The following VPS37A variants were observed in gnomAD, a reference collection of about 807,000 sequenced individuals.
The protein encoded by VPS37A is VPS37A subunit of ESCRT-I.
VPS37A carries 30 observed loss-of-function variants against 49.8 expected under a neutral mutation model. The observed-to-expected ratio is 0.60, with a 90% CI of 0.45 to 0.82. VPS37A has a LOEUF of 0.82. VPS37A is among the 40% of genes least tolerant of loss of function. The pLI, the probability that VPS37A is intolerant of heterozygous loss-of-function variation, is 0.00. For missense variants in VPS37A, 593 were observed against 464.4 expected (o/e 1.28, Z -2.55); for synonymous variants, 195 against 160.6 (o/e 1.21, Z -1.62).
At chr8:17,303,543 C>G (rs528605957), downstream of VPS37A, among the ~76,000 whole-genome samples, 2 of 151,958 alleles carry the variant, frequency 1.3e-5, no homozygotes, top group South Asian at 4.2e-4. Flanking sequence ...ACATACGTAT[C>G]TAGCACATAC....
At chr8:17,313,460 A>T in the VPS37A span, 11 of 1,086,022 alleles carry the variant, frequency 1.0e-5, no homozygotes, top group African/African-American at 1.4e-4. Context: ...TTTACATATG[A>T]TCATGTTTTA....
At chr8:17,254,985 A>G (rs1278368914) in intron 1 of VPS37A, among the ~76,000 whole-genome samples, 1 of 152,158 alleles carries the variant, frequency 6.6e-6, no homozygotes, top group African/African-American at 2.4e-5. Flanking sequence ...ACTGAGGAAA[A>G]TGCATGACAT....
chr8:17,252,039 C>T (rs1403007524), intron 1 of VPS37A, among the ~76,000 whole-genome samples: 1 of 152,170 alleles, frequency 6.6e-6, no homozygotes, highest in African/African-American at 2.4e-5. Flanking sequence ...AACTTGGTAA[C>T]ACAAGAGATA....
intron 5 of VPS37A, among the ~76,000 whole-genome samples, chr8:17,275,852 C>G (rs959668937): frequency 6.6e-6 from 1 of 152,028 alleles, no homozygotes; most frequent in Non-Finnish European, 1.5e-5. Flanking sequence ...TTGGTTTTTC[C>G]AAAACCTTTC....
chr8:17,279,212 C>T (rs956863766), intron 6 of VPS37A, among the ~76,000 whole-genome samples: 1 of 152,106 alleles, frequency 6.6e-6, no homozygotes, highest in Admixed American at 6.6e-5. Context: ...TGACATTATA[C>T]ACTAGCAGAG....
At chr8:17,256,344 C>G (rs73551456) in intron 1 of VPS37A, among the ~76,000 whole-genome samples, 16,009 of 112,508 alleles carry the variant, frequency 0.14, 1,647 homozygotes, top group African/African-American at 0.35. Context: ...CTGTTTGTTG[C>G]CCAGACTAAT....
At chr8:17,275,921 CA>C (rs1814468770) in intron 5 of VPS37A, among the ~76,000 whole-genome samples, 1 of 152,058 alleles carries the variant, frequency 6.6e-6, no homozygotes, top group Non-Finnish European at 1.5e-5. Flanking sequence ...AACAAAATTA[CA>C]AGAGGACTTT....
intron 1 of VPS37A, chr8:17,247,605 T>C (rs887760220): frequency 1.7e-5 from 12 of 710,432 alleles, no homozygotes; most frequent in Non-Finnish European, 2.8e-5. Flanking sequence ...GATTTCCTCA[T>C]CCCTCCTGAC....
At chr8:17,277,378 A>G (rs997128586) in intron 6 of VPS37A, among the ~76,000 whole-genome samples, 1 of 151,944 alleles carries the variant, frequency 6.6e-6, no homozygotes, top group Non-Finnish European at 1.5e-5. Context: ...TTTGCTTTAA[A>G]TTTTTTTTAA....
At chr8:17,330,493 C>T in the VPS37A span, among the ~76,000 whole-genome samples, 1 of 152,272 alleles carries the variant, frequency 6.6e-6, no homozygotes, top group Non-Finnish European at 1.5e-5. Flanking sequence ...GCGGACTAAG[C>T]TGGTTTTGCT....
downstream of VPS37A, chr8:17,301,997 A>T: frequency 1.1e-6 from 1 of 917,682 alleles, no homozygotes; most frequent in African/African-American, 1.7e-5. Flanking sequence ...GGCTTCGGTT[A>T]TCTGAGTCCT....
At chr8:17,315,825 A>G in the VPS37A span, among the ~76,000 whole-genome samples, 4 of 152,274 alleles carry the variant, frequency 2.6e-5, no homozygotes, top group East Asian at 3.9e-4. Flanking sequence ...CAGCCTATAT[A>G]AAGTAGTGAG....
At chr8:17,269,164 C>G (rs1397912042) in intron 4 of VPS37A, among the ~76,000 whole-genome samples, 1 of 152,164 alleles carries the variant, frequency 6.6e-6, no homozygotes, top group Non-Finnish European at 1.5e-5. Context: ...TGTATGCGTA[C>G]TTCTATCACT....
At chr8:17,302,341 C>G (rs145343479), downstream of VPS37A, 1 of 1,551,120 alleles carries the variant, frequency 6.4e-7, no homozygotes, top group Non-Finnish European at 8.7e-7. Context: ...TTCACATCCT[C>G]AAGTCTTCTA....
the VPS37A span, among the ~76,000 whole-genome samples, chr8:17,322,121 G>C: frequency 8.0e-6 from 1 of 125,060 alleles, no homozygotes; most frequent in Admixed American, 7.7e-5. Flanking sequence ...CCCAGCACTT[G>C]TCTGAGTTCT....
chr8:17,296,848 T>TATACC lies in VPS37A; in HGVS notation c.*1865_*1869dup, dbSNP rs1467655735. 1.3e-5 allele frequency: 2 copies of TATACC among 152,232 alleles called. No homozygotes were observed. The highest frequency in any genetic ancestry group is 1.3e-4 in the Admixed American group (2 of 15,282). 9.4% of individuals were successfully genotyped at this position (152,232 alleles called of 1,614,324 possible). On this transcript the variant is annotated 3_prime_UTR_variant, in exon 12 of 12. Coordinates refer to ENST00000324849, the MANE Select transcript of VPS37A (RefSeq NM_152415.3). Reference sequence around the variant, plus strand: ...AAGTTGAACTATCCCAGTTTCATTCTATACCATTCATTGGATAACCTTGTT... The same window carrying TATACC: ...AAGTTGAACTATCCCAGTTTCATTCTATACCATACCATTCATTGGATAACCTTGTT...
chr8:17,302,109 A>G (rs534722313), downstream of VPS37A: 3 of 1,611,934 alleles, frequency 1.9e-6, no homozygotes, highest in East Asian at 6.7e-5. Flanking sequence ...TTGCTCTTCA[A>G]GAAATAAGCA....
intron 2 of VPS37A, 39 bp from the exon 3 acceptor site, chr8:17,268,219 A>T (rs371554786): frequency 7.1e-7 from 1 of 1,403,812 alleles, no homozygotes; most frequent in South Asian, 1.2e-5. Flanking sequence ...TACCTTTGTT[A>T]TCTTTGTTTT....
At chr8:17,299,823 G>T (rs1158740589), downstream of VPS37A, 2 of 1,603,468 alleles carry the variant, frequency 1.2e-6, no homozygotes, top group Admixed American at 1.7e-5. Context: ...TGGAAGTGTT[G>T]CTTATGTGTC....
Sources: allele counts gnomAD v4.1 joint callset (sites outside exome capture counted in the v4.1 genomes callset), GRCh38; gene constraint gnomAD v4.1.1; transcripts MANE v1.5; gene names NCBI Gene and HGNC (gene_info 2026-07-23, HGNC 2026-07-21).